PLEKHG5: variants seen among roughly 807,000 people sequenced by gnomAD.
PLEKHG5 encodes pleckstrin homology domain-containing family G member 5.
Under a neutral mutation model 103.8 loss-of-function variants are expected in PLEKHG5, and 52 were observed. That is an observed-to-expected ratio of 0.50 (90% CI 0.40 to 0.63). PLEKHG5 has a LOEUF of 0.63. PLEKHG5 is among the 30% of genes least tolerant of loss of function. The pLI is 0.00. For missense variants in PLEKHG5, 1,205 were observed against 1,347.6 expected, an observed-to-expected ratio of 0.89 and a Z score of 1.66; for synonymous variants, 592 against 575.5, an observed-to-expected ratio of 1.03 and a Z score of -0.41.
chr1:6,518,514 G>A (rs1240846871), intron 1 of PLEKHG5, among the ~76,000 whole-genome samples: 3 of 145,034 alleles, frequency 2.1e-5, no homozygotes, highest in Non-Finnish European at 4.5e-5. Flanking sequence ...GAGCCATATC[G>A]CACCATTGCA....
chr1:6,514,101 C>T (rs779365758), intron 1 of PLEKHG5, among the ~76,000 whole-genome samples: 2 of 152,104 alleles, frequency 1.3e-5, no homozygotes, highest in African/African-American at 2.4e-5. Context: ...GGCAGGAGGA[C>T]TCCTTGACCC....
intron 1 of PLEKHG5, among the ~76,000 whole-genome samples, chr1:6,502,839 C>T (rs527518111): frequency 4.9e-4 from 74 of 152,330 alleles, no homozygotes; most frequent in African/African-American, 1.7e-3. Flanking sequence ...CTCACCCACC[C>T]GACCGCCTCA....
At chr1:6,517,949 T>C (rs1014981828) in intron 1 of PLEKHG5, among the ~76,000 whole-genome samples, 35 of 152,140 alleles carry the variant, frequency 2.3e-4, no homozygotes, top group African/African-American at 8.2e-4. Context: ...ATATATTTTT[T>C]TGAGACAGAG....
In PLEKHG5 at chr1:6,474,602, G is replaced by A. The variant is rs2148591481; in HGVS notation, c.303-15C>T. The A allele has an allele frequency of 6.2e-7, 1 of 1,613,094 alleles. No individual in the cohort carries two copies. Among genetic ancestry groups the A allele is most frequent in the African/African-American group, 1.3e-5 (1 of 75,038 alleles). On this transcript the variant is annotated splice_polypyrimidine_tract_variant and intron_variant, in intron 5 of 20. Coordinates refer to ENST00000377728, the MANE Select transcript of PLEKHG5 (RefSeq NM_020631.6). ...GCAGCACCTCCCTGCCCCCAGGACA[G>A]GAGGCATGTGTGTTAGAACCAGGCG... is the stretch of plus-strand genomic sequence containing the variant.
At chr1:6,494,286 A>AT (rs1645191361), upstream of PLEKHG5, among the ~76,000 whole-genome samples, 9 of 151,282 alleles carry the variant, frequency 5.9e-5, no homozygotes, top group Non-Finnish European at 4.4e-5. Flanking sequence ...ACCCACCACC[A>AT]TGCCCAGCTA....
chr1:6,490,614 C>T lies in PLEKHG5; in HGVS notation c.-88+1023G>A. The T allele has an allele frequency of 1.0e-6, 1 of 985,348 alleles. No homozygotes were observed. Among genetic ancestry groups the T allele is most frequent in the African/African-American group, 1.7e-5 (1 of 57,338 alleles). The allele number at this position is 985,348 out of a possible 1,614,324, so 61.0% of individuals were successfully genotyped here. A position where few individuals can be genotyped will look rare whatever the true frequency, so the allele number is the denominator to read the frequency against. On this transcript the variant is annotated intron_variant, in intron 1 of 20. Coordinates refer to ENST00000377728, the MANE Select transcript of PLEKHG5 (RefSeq NM_020631.6). The surrounding 1 kb of genome is among the most constrained non-coding windows in gnomAD (Gnocchi z 8.0). The stretch of plus-strand genomic sequence containing the variant: ...GGACGTAGGGGAATTACGGTAGCCG[C>T]GCGGGCGCTACCACCTGGACCGGCC...
At chr1:6,497,338 G>T, upstream of PLEKHG5, 2 of 1,021,176 alleles carry the variant, frequency 2.0e-6, no homozygotes, top group Non-Finnish European at 2.5e-6. This position sits in a 1 kb window ranked among gnomAD's most constrained non-coding sequence, Gnocchi z 6.1. Flanking sequence ...CAGGCCCCGT[G>T]CCGCGCGGGG....
intron 5 of PLEKHG5, 137 bp from the exon 6 acceptor site, chr1:6,474,724 TG>T: frequency 2.5e-6 from 2 of 815,340 alleles, no homozygotes; most frequent in Non-Finnish European, 3.9e-6. Context: ...GAAGCCCGCA[TG>T]GGATCACACG....
At chr1:6,494,118 A>ATTTTTTTTT (rs36105555), upstream of PLEKHG5, among the ~76,000 whole-genome samples, 34 of 75,740 alleles carry the variant, frequency 4.5e-4, 1 homozygote, top group African/African-American at 3.5e-3. Context: ...CACCTGGCTA[A>ATTTTTTTTT]TTTTTTTTTT....
chr1:6,488,170 T>G (rs546426174), intron 1 of PLEKHG5, among the ~76,000 whole-genome samples: 1 of 152,314 alleles, frequency 6.6e-6, no homozygotes, highest in African/African-American at 2.4e-5. Context: ...TCACTGAGCA[T>G]TCCATGTGCC....
intron 9 of PLEKHG5, 27 bp downstream of exon 9, chr1:6,472,959 G>A (rs1035323814): frequency 9.3e-6 from 15 of 1,608,020 alleles, no homozygotes; most frequent in Non-Finnish European, 1.1e-5. Flanking sequence ...GGGACAAGGA[G>A]GGAGCAGCAC....
chr1:6,511,772 C>T (rs568551709), intron 1 of PLEKHG5, among the ~76,000 whole-genome samples: 1 of 152,164 alleles, frequency 6.6e-6, no homozygotes, highest in Non-Finnish European at 1.5e-5. Context: ...GCAGCCCCCC[C>T]AGAGAGGCTG....
chr1:6,487,859 G>T lies in PLEKHG5; in HGVS notation c.-88+3778C>A, dbSNP rs1179212005. 6.6e-6 allele frequency among the ~76,000 whole-genome samples: 1 copy of T among 152,240 alleles called. No homozygotes were observed. Among genetic ancestry groups the T allele is most frequent in the Non-Finnish European group, 1.5e-5 (1 of 68,046 alleles). On this transcript the variant is annotated intron_variant, in intron 1 of 20. Transcript: ENST00000377728. The surrounding 1 kb of genome is among the most constrained non-coding windows in gnomAD (Gnocchi z 4.1). Reference sequence around the variant, plus strand: ...CATCTCACTGTGTCCTCGGCACTTAGAACAGTCCTGGTGCACAGTAGGTGC... The same window carrying T: ...CATCTCACTGTGTCCTCGGCACTTATAACAGTCCTGGTGCACAGTAGGTGC...
chr1:6,474,056 T>C lies in PLEKHG5; in HGVS notation c.548A>G (p.Glu183Gly), dbSNP rs1230766338. ...RPAGTGPPAL[E>G]RVDAQSRRES... Reference sequence around the variant, plus strand: ...CCGGCGGCTCTGGGCGTCCACACGCTCCAGGGCGGGGGGCCCGGTCCCAGC... The same window carrying C: ...CCGGCGGCTCTGGGCGTCCACACGCCCCAGGGCGGGGGGCCCGGTCCCAGC... The change falls in exon 7 of 21, where the codon GAG becomes GGG. Residue 183 changes from glutamate to glycine, a missense_variant. Transcript: ENST00000377728. 1.3e-6 allele frequency: 2 copies of C among 1,566,048 alleles called. No homozygotes were observed. Among genetic ancestry groups the C allele is most frequent in the Non-Finnish European group, 1.7e-6 (2 of 1,153,450 alleles).
At chr1:6,474,411 C>A (rs1644695760) in intron 6 of PLEKHG5, 40 bp downstream of exon 6, 1 of 1,611,766 alleles carries the variant, frequency 6.2e-7, no homozygotes, top group South Asian at 1.1e-5. Context: ...GGAGGCTCCG[C>A]CAGTCCCAGC....
At chr1:6,511,701 G>A (rs1187907994) in intron 1 of PLEKHG5, among the ~76,000 whole-genome samples, 2 of 152,230 alleles carry the variant, frequency 1.3e-5, no homozygotes, top group Admixed American at 1.3e-4. Flanking sequence ...GGACTGGGCC[G>A]GCAGAGCCAT....
Position 6,473,236 on chromosome 1 carries a change from G to C in PLEKHG5, c.795+15C>G, listed in dbSNP as rs1305136479. 1 of 1,612,538 alleles carries C rather than the reference G, an allele frequency of 6.2e-7. No homozygotes were observed. The highest frequency in any genetic ancestry group is 8.5e-7 in the Non-Finnish European group (1 of 1,179,678). On this transcript the variant is annotated intron_variant, in intron 8 of 20. Coordinates refer to ENST00000377728, the MANE Select transcript of PLEKHG5 (RefSeq NM_020631.6). ...CCAGCCAGCTGCCTGACCCTGGGCAGATGGGGCCACATACCCGGCCAAAGG... is the reference window on the plus strand; with the variant it reads ...CCAGCCAGCTGCCTGACCCTGGGCACATGGGGCCACATACCCGGCCAAAGG...
intron 1 of PLEKHG5, among the ~76,000 whole-genome samples, chr1:6,507,490 G>GC (rs902861266): frequency 1.3e-5 from 2 of 152,254 alleles, no homozygotes; most frequent in East Asian, 1.9e-4. Flanking sequence ...CCCCACCTGT[G>GC]CCCCCCCAGC....
intron 1 of PLEKHG5, among the ~76,000 whole-genome samples, chr1:6,504,327 C>T (rs1387015502): frequency 1.3e-5 from 2 of 152,292 alleles, no homozygotes; most frequent in South Asian, 2.1e-4. Context: ...TCCCCACTGC[C>T]TCCACCAGCT....
Sources: allele counts gnomAD v4.1 joint callset (sites outside exome capture counted in the v4.1 genomes callset), GRCh38; gene constraint gnomAD v4.1.1; non-coding constraint Gnocchi (gnomAD v3.1); transcripts MANE v1.5; gene names NCBI Gene and HGNC (gene_info 2026-07-23, HGNC 2026-07-21).